Variants in RARB observed in about 807,000 individuals in gnomAD.
RARB encodes retinoic acid receptor beta, also known as HBV-activated protein.
In RARB, 17 loss-of-function variants were observed where a neutral mutation model predicts 51.9. The observed-to-expected ratio is 0.33, with a 90% CI of 0.22 to 0.49. The LOEUF is 0.49. Among genes scored for constraint, RARB ranks in the 20% least tolerant of loss-of-function variants. RARB has a pLI of 0.99. For synonymous variants in RARB, 215 were observed against 195.4 expected (o/e 1.10, Z -0.84); for missense variants, 369 against 550.8 (o/e 0.67, Z 3.30).
intron 3 of RARB, among the ~76,000 whole-genome samples, chr3:25,522,871 C>T (rs1698461691): frequency 6.6e-6 from 1 of 152,106 alleles, no homozygotes; most frequent in Non-Finnish European, 1.5e-5. Flanking sequence ...GAGAAGGAGA[C>T]CCAGGCTGGT....
intron 5 of RARB, among the ~76,000 whole-genome samples, chr3:25,195,042 T>A (rs563032947): frequency 1.9e-4 from 29 of 152,104 alleles, no homozygotes; most frequent in African/African-American, 7.0e-4. Flanking sequence ...AACAAAAAAG[T>A]TTCAAATGTG....
At chr3:25,421,403 C>CTTTTTTTTTTTCTTTTTTTT in intron 5 of RARB, among the ~76,000 whole-genome samples, 1 of 72,374 alleles carries the variant, frequency 1.4e-5, no homozygotes, top group Non-Finnish European at 2.6e-5. Flanking sequence ...TTCTTCTTTT[C>CTTTTTTTTTTTCTTTTTTTT]TTTTTTTTTT....
chr3:24,982,187 G>T (rs372000722), intron 2 of RARB, among the ~76,000 whole-genome samples: 1 of 152,198 alleles, frequency 6.6e-6, no homozygotes, highest in African/African-American at 2.4e-5. Flanking sequence ...TCAGGGCCCA[G>T]CTGCTCTTTT....
intron 2 of RARB, among the ~76,000 whole-genome samples, chr3:25,049,047 C>T (rs115054009): frequency 5.5e-4 from 84 of 152,234 alleles, no homozygotes; most frequent in Middle Eastern, 3.4e-3. Context: ...CCACCGCGCC[C>T]AGCTCCAAGA....
At chr3:25,351,763 A>G (rs1705577637) in intron 5 of RARB, among the ~76,000 whole-genome samples, 1 of 152,028 alleles carries the variant, frequency 6.6e-6, no homozygotes, top group Non-Finnish European at 1.5e-5. Context: ...ACCCATATTC[A>G]TGCTTGTGTC....
At chr3:25,296,385 A>G (rs1703914601) in intron 5 of RARB, among the ~76,000 whole-genome samples, 1 of 152,162 alleles carries the variant, frequency 6.6e-6, no homozygotes, top group Non-Finnish European at 1.5e-5. Flanking sequence ...AAAGGTGGGA[A>G]GTAACTTCAC....
chr3:25,236,249 A>G (rs906662472), intron 5 of RARB, among the ~76,000 whole-genome samples: 7 of 152,186 alleles, frequency 4.6e-5, no homozygotes, highest in African/African-American at 1.7e-4. Context: ...TTGGAGCAGT[A>G]AACAAAAACA....
intron 2 of RARB, among the ~76,000 whole-genome samples, chr3:24,888,906 CACTTT>C (rs1430330960): frequency 2.0e-5 from 3 of 152,162 alleles, no homozygotes; most frequent in African/African-American, 4.8e-5. Flanking sequence ...TTAGCAAGTT[CACTTT>C]ACTTTATAAC....
chr3:25,216,455 C>T (rs139169463), intron 5 of RARB, among the ~76,000 whole-genome samples: 78 of 152,128 alleles, frequency 5.1e-4, no homozygotes, highest in Admixed American at 2.8e-3. Context: ...TGAAGCTGGA[C>T]GCTATCATCC....
intron 2 of RARB, among the ~76,000 whole-genome samples, chr3:25,491,279 C>T (rs763985150): frequency 1.3e-5 from 2 of 152,026 alleles, no homozygotes; most frequent in Non-Finnish European, 2.9e-5. Context: ...CCCTGCACCC[C>T]CACCCCCAAG....
chr3:25,412,077 G>A (rs892063935), intron 5 of RARB, among the ~76,000 whole-genome samples: 3 of 152,202 alleles, frequency 2.0e-5, no homozygotes, highest in African/African-American at 7.2e-5. Flanking sequence ...CAGAACTGGA[G>A]ACTCCCTGGA....
intron 2 of RARB, among the ~76,000 whole-genome samples, chr3:24,870,897 C>A (rs111986904): frequency 6.6e-5 from 10 of 152,088 alleles, no homozygotes; most frequent in African/African-American, 2.4e-4. Context: ...CATTCTAATT[C>A]CCTTCTTTTC....
intron 5 of RARB, among the ~76,000 whole-genome samples, chr3:25,266,985 G>C (rs946815935): frequency 1.1e-4 from 17 of 152,172 alleles, no homozygotes; most frequent in African/African-American, 3.1e-4. Context: ...CACCAACTTG[G>C]AAATACTGAG....
chr3:25,295,521 T>G (rs1442687260), intron 5 of RARB, among the ~76,000 whole-genome samples: 5 of 152,208 alleles, frequency 3.3e-5, no homozygotes, highest in Non-Finnish European at 7.3e-5. Flanking sequence ...GTCTAAGGTA[T>G]TTTGTTATAG....
intron 5 of RARB, among the ~76,000 whole-genome samples, chr3:25,390,886 A>G (rs1031457582): frequency 1.3e-5 from 2 of 149,604 alleles, no homozygotes; most frequent in African/African-American, 4.9e-5. Context: ...TAAAACAATA[A>G]TAACTTTGAT....
intron 2 of RARB, among the ~76,000 whole-genome samples, chr3:24,885,204 T>C (rs1421697733): frequency 2.0e-5 from 3 of 152,130 alleles, no homozygotes; most frequent in Admixed American, 6.5e-5. Flanking sequence ...GCCTTAAATG[T>C]TCAAGTAGGA....
chr3:25,193,651 T>C (rs980776242), intron 5 of RARB, among the ~76,000 whole-genome samples: 7 of 152,072 alleles, frequency 4.6e-5, no homozygotes, highest in Non-Finnish European at 8.8e-5. Context: ...CTGGAATATA[T>C]TCTTTGCTAG....
At chr3:24,837,388 T>A (rs1048477570) in intron 1 of RARB, among the ~76,000 whole-genome samples, 16 of 152,228 alleles carry the variant, frequency 1.1e-4, no homozygotes, top group African/African-American at 3.6e-4. Context: ...ACAAAGAAGA[T>A]CCCAAATTGA....
chr3:25,000,262 A>T (rs368391018), intron 2 of RARB, among the ~76,000 whole-genome samples: 3 of 152,216 alleles, frequency 2.0e-5, no homozygotes, highest in Admixed American at 6.5e-5. Context: ...TTTTAGGCTG[A>T]CTTCATCTAT....
Sources: allele counts gnomAD v4.1 joint callset (sites outside exome capture counted in the v4.1 genomes callset), GRCh38; gene constraint gnomAD v4.1.1; transcripts MANE v1.5; gene names NCBI Gene and HGNC (gene_info 2026-07-23, HGNC 2026-07-21).